Variants in AMPH observed in about 807,000 individuals in gnomAD.
AMPH encodes amphiphysin (Stiff-Mann syndrome with breast cancer 128kD autoantigen).
A neutral mutation model predicts 99.1 loss-of-function variants in AMPH; 49 were observed. That is an observed-to-expected ratio of 0.49 (90% CI 0.39 to 0.63). The LOEUF (loss-of-function observed/expected upper bound fraction) is 0.63. AMPH is among the 20% of genes least tolerant of loss of function. AMPH has a pLI of 0.00. For synonymous variants in AMPH, 314 were observed against 317.3 expected, an observed-to-expected ratio of 0.99 and a Z score of 0.11; for missense variants, 759 against 863.4, an observed-to-expected ratio of 0.88 and a Z score of 1.52.
At chr7:38,405,863 C>G (rs1784971050) in intron 17 of AMPH, among the ~76,000 whole-genome samples, 1 of 152,116 alleles carries the variant, frequency 6.6e-6, no homozygotes, top group Admixed American at 6.5e-5. Flanking sequence ...TACTTCTAAC[C>G]AAATGGACTT....
At chr7:38,506,907 G>A (rs1416934542) in intron 2 of AMPH, among the ~76,000 whole-genome samples, 1 of 152,158 alleles carries the variant, frequency 6.6e-6, no homozygotes, top group Non-Finnish European at 1.5e-5. Flanking sequence ...ATGTGTGAGG[G>A]ACACCGAGTT....
chr7:38,520,976 G>A (rs1399245370), intron 2 of AMPH, among the ~76,000 whole-genome samples: 2 of 152,214 alleles, frequency 1.3e-5, no homozygotes, highest in African/African-American at 4.8e-5. Flanking sequence ...TTACTTGGCT[G>A]ATAAGCAGTT....
At position 38,536,230 on chromosome 7, in the gene AMPH, C is replaced by T. The variant is rs140644711; in HGVS notation, c.70-1219G>A. ...GGACATAAGTAACAAATTGTACTTG[C>T]TGCCTTTAAAAAGTAGGGCAGAAGG... On this transcript the variant is annotated intron_variant, in intron 1 of 20. Transcript: ENST00000356264. Among the ~76,000 whole-genome samples the T allele has an allele frequency of 3.7e-3, 561 of 152,128 alleles. 1 individual carries two copies. The highest frequency in any genetic ancestry group is 0.012 in the African/African-American group (500 of 41,542).
At chr7:38,559,524 A>C (rs1336301184) in intron 1 of AMPH, among the ~76,000 whole-genome samples, 1 of 152,208 alleles carries the variant, frequency 6.6e-6, no homozygotes, top group African/African-American at 2.4e-5. Context: ...GAGTCAGACT[A>C]TATAGAAACA....
rs550385824 is a variant in AMPH at position 38,569,468 on chromosome 7, G to A, written c.70-34457C>T. Among the ~76,000 whole-genome samples the A allele has an allele frequency of 9.9e-5, 15 of 151,726 alleles. No individual in the cohort carries two copies. The South Asian group carries it at 2.9e-3, about 29-fold the overall frequency. ...AGAAAACAAACACCAACTCACATAT[G>A]AAAAACAGAACCACCTGATAGAAGT... On this transcript the variant is annotated intron_variant, in intron 1 of 20. Coordinates refer to ENST00000356264, the MANE Select transcript of AMPH (RefSeq NM_001635.4).
At chr7:38,423,424 T>C (rs1035294311) in intron 15 of AMPH, among the ~76,000 whole-genome samples, 27 of 152,162 alleles carry the variant, frequency 1.8e-4, no homozygotes, top group South Asian at 2.1e-4. Context: ...CCTGAAGAAA[T>C]TGACATCAGG....
At chr7:38,538,123 C>T (rs755901444) in intron 1 of AMPH, among the ~76,000 whole-genome samples, 3 of 152,318 alleles carry the variant, frequency 2.0e-5, no homozygotes, top group Admixed American at 6.5e-5. Context: ...AGAGTTAATG[C>T]GCTCACCATT....
chr7:38,547,879 A>G (rs1248861831), intron 1 of AMPH, among the ~76,000 whole-genome samples: 1 of 152,194 alleles, frequency 6.6e-6, no homozygotes, highest in Non-Finnish European at 1.5e-5. Flanking sequence ...TACAACTTAC[A>G]GAAATAGTCA....
At chr7:38,611,384 G>T (rs1793674187) in intron 1 of AMPH, among the ~76,000 whole-genome samples, 1 of 152,196 alleles carries the variant, frequency 6.6e-6, no homozygotes. Context: ...GAGATCTGCT[G>T]TCCAACACTG....
intron 1 of AMPH, among the ~76,000 whole-genome samples, chr7:38,630,113 AAC>A (rs1794403413): frequency 6.6e-6 from 1 of 152,208 alleles, no homozygotes; most frequent in South Asian, 2.1e-4. Flanking sequence ...CATCCTGAGC[AAC>A]ATGGCAAATC....
intron 1 of AMPH, among the ~76,000 whole-genome samples, chr7:38,610,773 TA>T: frequency 6.6e-6 from 1 of 152,152 alleles, no homozygotes; most frequent in East Asian, 1.9e-4. Context: ...AAAAGGAATG[TA>T]AAACATTTAG....
chr7:38,483,124 C>T (rs114817454), intron 5 of AMPH, among the ~76,000 whole-genome samples: 2,014 of 152,174 alleles, frequency 0.013, 46 homozygotes, highest in African/African-American at 0.045. Flanking sequence ...AGAAATAGGA[C>T]AGCACATCTA....
At chr7:38,554,844 G>A (rs1343998919) in intron 1 of AMPH, among the ~76,000 whole-genome samples, 1 of 152,208 alleles carries the variant, frequency 6.6e-6, no homozygotes, top group East Asian at 1.9e-4. Context: ...TTTAGATACG[G>A]CTAAGCCAGA....
At chr7:38,417,125 T>C (rs1785406374) in intron 17 of AMPH, among the ~76,000 whole-genome samples, 1 of 152,228 alleles carries the variant, frequency 6.6e-6, no homozygotes, top group African/African-American at 2.4e-5. Context: ...CATGGGTATT[T>C]GGTACTCTAC....
At chr7:38,427,280 C>T (rs75780826) in intron 14 of AMPH, among the ~76,000 whole-genome samples, 8,802 of 152,064 alleles carry the variant, frequency 0.058, 339 homozygotes, top group East Asian at 0.2. Context: ...CAGAAAAGGG[C>T]CATTAGGAGT....
intron 3 of AMPH, among the ~76,000 whole-genome samples, chr7:38,498,190 C>G (rs1018878653): frequency 2.0e-5 from 3 of 152,160 alleles, no homozygotes; most frequent in African/African-American, 7.2e-5. Context: ...CCTCCCAAAG[C>G]TGAGTCACCA....
chr7:38,452,077 G>T (rs1234154418), intron 11 of AMPH, among the ~76,000 whole-genome samples: 1 of 152,154 alleles, frequency 6.6e-6, no homozygotes, highest in African/African-American at 2.4e-5. Flanking sequence ...ACACACTCAG[G>T]AGAGAATCAT....
intron 1 of AMPH, among the ~76,000 whole-genome samples, chr7:38,605,341 G>A (rs1367287803): frequency 6.6e-6 from 1 of 152,032 alleles, no homozygotes; most frequent in East Asian, 1.9e-4. Flanking sequence ...GAGATGAGAC[G>A]GAAAGCATCT....
rs1227243163 is a variant in AMPH at position 38,561,962 on chromosome 7, T to C, written c.70-26951A>G. On this transcript the variant is annotated intron_variant, in intron 1 of 20. Coordinates refer to ENST00000356264, the MANE Select transcript of AMPH (RefSeq NM_001635.4). ...GTGTTGTTACTTAAACCACCCAGTCTATATGTTTTTTTTTTTTTGTTATGG... is the reference window on the plus strand; with the variant it reads ...GTGTTGTTACTTAAACCACCCAGTCCATATGTTTTTTTTTTTTTGTTATGG... 2.0e-5 allele frequency among the ~76,000 whole-genome samples: 3 copies of C among 148,852 alleles called. No homozygotes were observed. The South Asian group carries it at 6.3e-4, about 31-fold the overall frequency.
Sources: gnomAD v4.1 joint callset for allele counts (sites outside exome capture counted in the v4.1 genomes callset) on GRCh38, gnomAD v4.1.1 for gene constraint, MANE v1.5 for transcripts, NCBI Gene and HGNC (gene_info 2026-07-23, HGNC 2026-07-21) for gene names.